ZNF626: variants seen among roughly 807,000 people sequenced by gnomAD.
ZNF626 encodes CTC-513N18.7.
ZNF626 carries 4 observed loss-of-function variants against 11.7 expected under a neutral mutation model. The observed-to-expected ratio is 0.34, with a 90% confidence interval of 0.17 to 0.78. The LOEUF (loss-of-function observed/expected upper bound fraction) is 0.78, where lower values mean the gene tolerates loss of function less well. Among genes scored for constraint, ZNF626 ranks in the 30% least tolerant of loss-of-function variants. The pLI, the probability that ZNF626 is intolerant of heterozygous loss-of-function variation, is 0.57. For synonymous variants in ZNF626, 179 were observed against 198.6 expected, an observed-to-expected ratio of 0.90 and a Z score of 0.83; for missense variants, 588 against 587.1, an observed-to-expected ratio of 1.00 and a Z score of -0.01.
At chr19:20,647,453 T>C (rs1365198273) in intron 1 of ZNF626, among the ~76,000 whole-genome samples, 5 of 151,540 alleles carry the variant, frequency 3.3e-5, no homozygotes, top group Non-Finnish European at 7.4e-5. Flanking sequence ...TAATGGTTAA[T>C]GCATTAACTG....
At chr19:20,641,825 G>A (rs1555771499) in intron 3 of ZNF626, among the ~76,000 whole-genome samples, 2 of 151,192 alleles carry the variant, frequency 1.3e-5, no homozygotes, top group Non-Finnish European at 2.9e-5. Context: ...AAAATCCTGG[G>A]ATTACAGAAG....
chr19:20,647,337 G>A (rs1323278397), intron 1 of ZNF626, among the ~76,000 whole-genome samples: 2 of 152,020 alleles, frequency 1.3e-5, no homozygotes, highest in Non-Finnish European at 2.9e-5. Context: ...GATTAAATGT[G>A]ATGGTTTATG....
chr19:20,629,191 T>C (rs1307639301), intron 3 of ZNF626, among the ~76,000 whole-genome samples: 32 of 152,300 alleles, frequency 2.1e-4, no homozygotes, highest in Middle Eastern at 3.4e-3. Context: ...TGTAGCCTTG[T>C]AGTATAGTTT....
chr19:20,658,075 C>T (rs952521041), intron 1 of ZNF626, among the ~76,000 whole-genome samples: 2 of 151,186 alleles, frequency 1.3e-5, no homozygotes, highest in Non-Finnish European at 2.9e-5. Flanking sequence ...AACAAACCCA[C>T]ATGTGTACAC....
At chr19:20,625,781 A>T in intron 3 of ZNF626, 131 bp from the exon 4 acceptor site, 1 of 960,832 alleles carries the variant, frequency 1.0e-6, no homozygotes, top group Middle Eastern at 2.6e-4. Context: ...ACAAGCTGTA[A>T]TTTCTTCCTG....
At chr19:20,639,226 C>T (rs1969997452) in intron 3 of ZNF626, among the ~76,000 whole-genome samples, 1 of 152,120 alleles carries the variant, frequency 6.6e-6, no homozygotes, top group Admixed American at 6.6e-5. Flanking sequence ...GAGAAATTTG[C>T]CCCTGTGACC....
intron 1 of ZNF626, among the ~76,000 whole-genome samples, chr19:20,656,633 C>A (rs1555773141): frequency 6.7e-6 from 1 of 150,088 alleles, no homozygotes. Flanking sequence ...GCAAATAACA[C>A]GAACAGATGC....
intron 3 of ZNF626, among the ~76,000 whole-genome samples, chr19:20,639,617 G>A (rs1555771228): frequency 6.6e-6 from 1 of 152,162 alleles, no homozygotes. Flanking sequence ...CGTATCTGTA[G>A]TCCTAGCTAC....
rs1363223576 is a variant in ZNF626, at chr19:20,658,994, A to T, written c.3+2450T>A. 2.0e-5 allele frequency among the ~76,000 whole-genome samples: 3 copies of T among 152,204 alleles called. No individual in the cohort carries two copies. The East Asian group carries it at 5.8e-4, about 29-fold the overall frequency. On this transcript the variant is annotated intron_variant, in intron 1 of 3. Coordinates refer to ENST00000601440, the MANE Select transcript of ZNF626 (RefSeq NM_001076675.3). ...ATGCAGCCCAGGAAAAGCCAAATGG[A>T]AGAAATGCATAGAACAAAGAGATGG...
Position 20,624,803 on chromosome 19 carries a change from T to C in ZNF626, c.1074A>G (p.Thr358=). The part of the protein sequence containing the change: ...KAFKYSSTLT[T]HKRIHTGEKP... ...TCTCTCCAGTATGAATTCTCTTATGTGTAGTAAGGGTAGAGGAGTACTTAA... is the reference window on the plus strand; with the variant it reads ...TCTCTCCAGTATGAATTCTCTTATGCGTAGTAAGGGTAGAGGAGTACTTAA... The change falls in exon 4 of 4, where the codon ACA becomes ACG. Residue 358 remains threonine, a synonymous_variant. Transcript: ENST00000601440. 1.9e-6 allele frequency: 3 copies of C among 1,613,732 alleles called. No individual in the cohort carries two copies. The highest frequency in any genetic ancestry group is 2.5e-6 in the Non-Finnish European group (3 of 1,179,950).
At chr19:20,639,345 A>G (rs1555771193) in intron 3 of ZNF626, among the ~76,000 whole-genome samples, 2 of 152,224 alleles carry the variant, frequency 1.3e-5, no homozygotes, top group Non-Finnish European at 2.9e-5. Flanking sequence ...TAGGCTTCAC[A>G]GATGCATACA....
At position 20,622,719 on chromosome 19, in the gene ZNF626, T is replaced by C. The variant is rs1411939332; in HGVS notation, c.*1571A>G. The C allele has an allele frequency of 1.3e-5, 2 of 152,232 alleles. No individual in the cohort carries two copies. The highest frequency in any genetic ancestry group is 4.8e-5 in the African/African-American group (2 of 41,466). 9.4% of individuals were successfully genotyped at this position (152,232 alleles called of 1,614,324 possible). ...TTATATACAAATTTAACAACTTTAGTTGTGAATTCATTTATATACTCAACA... is the reference window on the plus strand; with the variant it reads ...TTATATACAAATTTAACAACTTTAGCTGTGAATTCATTTATATACTCAACA... On this transcript the variant is annotated 3_prime_UTR_variant, in exon 4 of 4. Transcript: ENST00000601440.
rs1296410120 is a variant in ZNF626 at position 20,622,298 on chromosome 19, A to C, written c.*1992T>G. The C allele has an allele frequency of 6.6e-6, 1 of 152,362 alleles. No individual in the cohort carries two copies. Among genetic ancestry groups the C allele is most frequent in the Non-Finnish European group, 1.5e-5 (1 of 68,042 alleles). 9.4% of individuals were successfully genotyped at this position (152,362 alleles called of 1,614,324 possible). ...ACGTAACAGTAAAATTAGTAAAATA[A>C]TTGATATACTTTAATTTATAATTTC... On this transcript the variant is annotated 3_prime_UTR_variant, in exon 4 of 4. Coordinates refer to ENST00000601440, the MANE Select transcript of ZNF626 (RefSeq NM_001076675.3).
chr19:20,653,702 G>A (rs1970174100), intron 1 of ZNF626, among the ~76,000 whole-genome samples: 1 of 150,784 alleles, frequency 6.6e-6, no homozygotes, highest in African/African-American at 2.4e-5. Flanking sequence ...CATATTTTCA[G>A]AAGAATTTTA....
intron 3 of ZNF626, among the ~76,000 whole-genome samples, chr19:20,632,693 T>A (rs995048560): frequency 2.0e-5 from 3 of 152,060 alleles, no homozygotes; most frequent in Admixed American, 1.3e-4. Context: ...ATTCGTCTAA[T>A]TTTTTTTCAA....
intron 3 of ZNF626, 75 bp downstream of exon 3, chr19:20,645,609 A>AAG: frequency 6.5e-7 from 1 of 1,537,438 alleles, no homozygotes; most frequent in Non-Finnish European, 8.8e-7. Flanking sequence ...ATCACACTTT[A>AAG]AGGACTGGCT....
At chr19:20,633,084 T>C (rs1969925667) in intron 3 of ZNF626, among the ~76,000 whole-genome samples, 1 of 152,152 alleles carries the variant, frequency 6.6e-6, no homozygotes, top group Admixed American at 6.6e-5. Flanking sequence ...TCAGCAGCGG[T>C]GGCTGCAGAA....
intron 3 of ZNF626, among the ~76,000 whole-genome samples, chr19:20,628,156 C>T (rs1969862232): frequency 1.3e-5 from 2 of 152,128 alleles, no homozygotes; most frequent in Non-Finnish European, 1.5e-5. Flanking sequence ...GTATGTGCCA[C>T]ATTTTCCTAA....
intron 3 of ZNF626, chr19:20,645,249 CA>C (rs566213853): frequency 1.5e-4 from 204 of 1,396,704 alleles, no homozygotes; most frequent in African/African-American, 9.1e-4. Context: ...GAAAAATGAA[CA>C]AAAAAAAATT....
Sources: gnomAD v4.1 joint callset for allele counts (sites outside exome capture counted in the v4.1 genomes callset) on GRCh38, gnomAD v4.1.1 for gene constraint, MANE v1.5 for transcripts, NCBI Gene and HGNC (gene_info 2026-07-23, HGNC 2026-07-21) for gene names.